Variants in DCLK2 observed in about 807,000 individuals in gnomAD.
DCLK2 encodes the protein serine/threonine-protein kinase DCLK2.
DCLK2 carries 31 observed loss-of-function variants against 78.4 expected under a neutral mutation model. The ratio of observed to expected loss-of-function variants is 0.40; its 90% confidence interval spans 0.30 to 0.53. DCLK2 has a LOEUF of 0.53. Ranked by LOEUF, DCLK2 falls within the 20% of genes least tolerant of loss-of-function variation. The pLI is 0.61. For synonymous variants in DCLK2, 407 were observed against 374.9 expected (o/e 1.09, Z -0.99); for missense variants, 872 against 973.7 (o/e 0.90, Z 1.39).
At chr4:150,232,311 T>TC (rs761557056) in intron 8 of DCLK2, 26 bp from the exon 9 acceptor site, 1 of 1,607,344 alleles carries the variant, frequency 6.2e-7, no homozygotes, top group Admixed American at 1.7e-5. Context: ...ATTTCTGATC[T>TC]CCTCTCTATA....
chr4:150,218,459 A>G (rs1254582116), intron 5 of DCLK2, among the ~76,000 whole-genome samples: 1 of 152,178 alleles, frequency 6.6e-6, no homozygotes, highest in African/African-American at 2.4e-5. Flanking sequence ...CACTCAGACA[A>G]CACATCAGCT....
At chr4:150,175,114 ATATTTTT>A (rs1304850893) in intron 2 of DCLK2, among the ~76,000 whole-genome samples, 2 of 94,562 alleles carry the variant, frequency 2.1e-5, no homozygotes, top group African/African-American at 1.2e-4. Flanking sequence ...TTATATATTT[ATATTTTT>A]TATATATATA....
chr4:150,101,323 C>G (rs1186806145), intron 1 of DCLK2, among the ~76,000 whole-genome samples: 1 of 152,032 alleles, frequency 6.6e-6, no homozygotes, highest in Non-Finnish European at 1.5e-5. Flanking sequence ...TATTCATGTG[C>G]CTTCGGAGAC....
chr4:150,090,292 G>C (rs879659739), intron 1 of DCLK2, among the ~76,000 whole-genome samples: 1 of 152,328 alleles, frequency 6.6e-6, no homozygotes, highest in Non-Finnish European at 1.5e-5. Flanking sequence ...TGTAATCCCA[G>C]CTACTCGGGA....
At chr4:150,241,431 C>T (rs115843129) in intron 12 of DCLK2, among the ~76,000 whole-genome samples, 3 of 152,180 alleles carry the variant, frequency 2.0e-5, no homozygotes, top group African/African-American at 7.2e-5. Flanking sequence ...ATGAATTACT[C>T]TGAAGCAGAA....
intron 12 of DCLK2, among the ~76,000 whole-genome samples, chr4:150,242,322 C>A (rs1164986495): frequency 6.6e-6 from 1 of 152,122 alleles, no homozygotes; most frequent in Non-Finnish European, 1.5e-5. Context: ...TTGAGTGAGA[C>A]CTTTGTGGTA....
chr4:150,180,554 A>G (rs1486752625), intron 2 of DCLK2, among the ~76,000 whole-genome samples: 1 of 152,170 alleles, frequency 6.6e-6, no homozygotes, highest in African/African-American at 2.4e-5. Context: ...TCTTCAGAAT[A>G]AAAGCTCATG....
At position 150,187,324 on chromosome 4, in the gene DCLK2, C is replaced by T. The variant is rs183861817; in HGVS notation, c.757-5814C>T. 3.8e-4 allele frequency among the ~76,000 whole-genome samples: 58 copies of T among 152,226 alleles called. 1 individual carries two copies. Among genetic ancestry groups the T allele is most frequent in the Middle Eastern group, 6.8e-3 (2 of 294 alleles). ...GGGATTAAAGACATGAGCCACTGCA[C>T]CCAGCCCATTTTATGACTATTCTAG... On this transcript the variant is annotated intron_variant, in intron 2 of 15. Coordinates refer to ENST00000296550, the MANE Select transcript of DCLK2 (RefSeq NM_001040260.4).
intron 2 of DCLK2, among the ~76,000 whole-genome samples, chr4:150,160,279 G>A (rs2150243038): frequency 6.6e-6 from 1 of 152,264 alleles, no homozygotes; most frequent in Admixed American, 6.5e-5. Flanking sequence ...CGGCCTCCCA[G>A]AGTGCTGAGA....
chr4:150,116,668 A>G (rs1416121148), intron 2 of DCLK2, among the ~76,000 whole-genome samples: 1 of 152,224 alleles, frequency 6.6e-6, no homozygotes, highest in Non-Finnish European at 1.5e-5. Flanking sequence ...GGGGAGTGAC[A>G]TAGACTCTAA....
intron 3 of DCLK2, among the ~76,000 whole-genome samples, chr4:150,194,075 ATACT>A (rs1412788119): frequency 2.7e-5 from 4 of 149,284 alleles, no homozygotes; most frequent in East Asian, 3.9e-4. Flanking sequence ...ACACACACGT[ATACT>A]TACTTTGTTT....
intron 5 of DCLK2, among the ~76,000 whole-genome samples, chr4:150,206,850 A>G (rs945319954): frequency 1.3e-5 from 2 of 152,190 alleles, no homozygotes; most frequent in Non-Finnish European, 2.9e-5. Context: ...TCTGTAGTAT[A>G]TATTGTCATT....
Position 150,198,020 on chromosome 4 carries a change from C to T in DCLK2, c.878C>T (p.Ser293Leu), listed in dbSNP as rs770621436. ...TTTCTAGAATGTCGTGTCCTGAAGT[C>T]ATCTTATTCTCGATCCTCAGCTGTT... Reference protein sequence around the residue: ...LDHSECRVLKSSYSRSSAVKY... With the variant: ...LDHSECRVLKLSYSRSSAVKY... Residue 293 changes from serine (S) to leucine (L), a missense_variant, in exon 4 of 16, where the codon TCA (serine) becomes TTA (leucine). By Grantham distance (145) the Ser-to-Leu change is moderately radical. Around this residue, in one of 3 missense-constraint regions of DCLK2, gnomAD observed 567 missense variants for 593.4 expected, o/e 0.96. Coordinates refer to ENST00000296550, the MANE Select transcript of DCLK2 (RefSeq NM_001040260.4). 3.1e-6 allele frequency: 5 copies of T among 1,613,304 alleles called. No individual in the cohort carries two copies. The South Asian group carries it at 4.4e-5, about 14-fold the overall frequency.
intron 2 of DCLK2, among the ~76,000 whole-genome samples, chr4:150,127,895 C>T (rs1733030786): frequency 6.6e-6 from 1 of 152,180 alleles, no homozygotes; most frequent in South Asian, 2.1e-4. Flanking sequence ...TAGCTGGCTG[C>T]TTTTAGGTAA....
intron 2 of DCLK2, among the ~76,000 whole-genome samples, chr4:150,137,286 C>T (rs1254009152): frequency 7.9e-5 from 12 of 152,162 alleles, no homozygotes; most frequent in Admixed American, 7.9e-4. Context: ...CTGCTTCCAC[C>T]AGCAGGCTGG....
At chr4:150,244,153 T>G (rs889849092) in intron 12 of DCLK2, among the ~76,000 whole-genome samples, 1 of 152,118 alleles carries the variant, frequency 6.6e-6, no homozygotes, top group Non-Finnish European at 1.5e-5. Context: ...CAGGCTGGTC[T>G]TGAACTCCTA....
intron 2 of DCLK2, among the ~76,000 whole-genome samples, chr4:150,183,375 T>G (rs1170464085): frequency 6.6e-6 from 1 of 152,254 alleles, no homozygotes; most frequent in East Asian, 1.9e-4. Flanking sequence ...GTAGCAGATT[T>G]CACAAGTAGT....
At chr4:150,158,612 G>A (rs918019740) in intron 2 of DCLK2, among the ~76,000 whole-genome samples, 8 of 152,136 alleles carry the variant, frequency 5.3e-5, no homozygotes, top group South Asian at 2.1e-4. Flanking sequence ...TAAATGTCTC[G>A]AAGGAATTCT....
intron 2 of DCLK2, among the ~76,000 whole-genome samples, chr4:150,180,460 G>A (rs1282504143): frequency 1.3e-5 from 2 of 152,002 alleles, no homozygotes; most frequent in African/African-American, 4.8e-5. Context: ...TTCATTTTTT[G>A]TTTATTATTT....
Sources: allele counts gnomAD v4.1 joint callset (sites outside exome capture counted in the v4.1 genomes callset), GRCh38; gene constraint gnomAD v4.1.1; regional missense constraint gnomAD v4.1.1; transcripts MANE v1.5; gene names NCBI Gene and HGNC (gene_info 2026-07-23, HGNC 2026-07-21).